The following TASOR2 variants were observed in gnomAD, a reference collection of about 807,000 sequenced individuals.
The protein encoded by TASOR2 is transcription activation suppressor family member 2.
In TASOR2, 84 loss-of-function variants were observed where a neutral mutation model predicts 199.5. That is an observed-to-expected ratio of 0.42 (90% CI 0.35 to 0.50). The LOEUF (loss-of-function observed/expected upper bound fraction) is 0.50. TASOR2 is among the 20% of genes least tolerant of loss of function. The pLI, the probability that TASOR2 is intolerant of heterozygous loss-of-function variation, is 0.02. For missense variants in TASOR2, 2,796 were observed against 2,835.9 expected (o/e 0.99, Z 0.32); for synonymous variants, 1,103 against 1,046.6 (o/e 1.05, Z -1.04).
intron 16 of TASOR2, 96 bp downstream of exon 17, chr10:5,756,834 G>T: frequency 7.5e-7 from 1 of 1,333,834 alleles, no homozygotes; most frequent in South Asian, 1.4e-5. Context: ...TAGAAGAGAA[G>T]CTAACAGACA....
intron 10 of TASOR2, 59 bp downstream of exon 11, chr10:5,727,182 G>T: frequency 2.5e-6 from 4 of 1,572,794 alleles, no homozygotes; most frequent in South Asian, 2.2e-5. Context: ...GTCCTCATCT[G>T]ACTTGACCTC....
exon 15 of TASOR2, chr10:5,747,564 A>C (rs1343883186): frequency 6.2e-7 from 1 of 1,614,080 alleles, no homozygotes; most frequent in African/African-American, 1.3e-5. Flanking sequence ...TTGAGATTGC[A>C]GAGGAAATTA....
chr10:5,749,276 C>G, exon 15 of TASOR2: 1 of 1,614,200 alleles, frequency 6.2e-7, no homozygotes, highest in Non-Finnish European at 8.5e-7. Flanking sequence ...AGTTTCAGTG[C>G]AAACTGTGGC....
At chr10:5,755,242 C>A (rs1260940664) in intron 15 of TASOR2, among the ~76,000 whole-genome samples, 1 of 152,006 alleles carries the variant, frequency 6.6e-6, no homozygotes, top group Non-Finnish European at 1.5e-5. Context: ...ATACCATATA[C>A]TTTGAATGAA....
chr10:5,749,502 A>G lies in TASOR2; in HGVS notation c.6081A>G (p.Pro2027=), dbSNP rs928513025. Residue 2027 remains proline, a synonymous_variant, in exon 15 of 21, where the codon CCA becomes CCG. Transcript: ENST00000328090. ...CTTCGACAAAAATCTCTGAGGCCCC[A>G]TTTCTGCATCCTGCACCTAGGAGCA... 7.4e-6 allele frequency: 12 copies of G among 1,613,944 alleles called. No individual in the cohort carries two copies. In the East Asian group the frequency reaches 1.3e-4, roughly 18 times the overall value.
intron 12 of TASOR2, among the ~76,000 whole-genome samples, chr10:5,736,064 A>C (rs1231569049): frequency 6.6e-6 from 1 of 152,130 alleles, no homozygotes; most frequent in African/African-American, 2.4e-5. Context: ...CAGCCCCCTC[A>C]AATAGCTGGG....
chr10:5,736,272 G>A (rs973395785), intron 12 of TASOR2, among the ~76,000 whole-genome samples: 1 of 152,046 alleles, frequency 6.6e-6, no homozygotes, highest in Non-Finnish European at 1.5e-5. Context: ...TACAAAATTA[G>A]CCAGGCGTGG....
At chr10:5,697,525 G>A (rs1182395663) in intron 1 of TASOR2, among the ~76,000 whole-genome samples, 1 of 152,130 alleles carries the variant, frequency 6.6e-6, no homozygotes, top group Non-Finnish European at 1.5e-5. Flanking sequence ...GCCTGGGTGG[G>A]GCATGGGGGA....
rs188330188 is a variant in TASOR2, at chr10:5,753,499, A to G, written c.6607-3114A>G. On this transcript the variant is annotated intron_variant, in intron 15 of 20. Coordinates refer to ENST00000328090, the Ensembl canonical transcript of TASOR2. The stretch of plus-strand genomic sequence containing the variant: ...TGCCTCTGCCTCCGGAGTAGCTGGG[A>G]CTACAGGCGCCCGCCACCATGCCCA... 4.7e-3 allele frequency among the ~76,000 whole-genome samples: 721 copies of G among 152,216 alleles called. 25 individuals carry two copies. Among genetic ancestry groups the G allele is most frequent in the Admixed American group, 0.042 (645 of 15,294 alleles).
rs1430395027 is a variant in TASOR2, at chr10:5,748,335, T to C, written c.4914T>C (p.Ala1638=). ...ATCTGCAGGTGAAGTCCTTGACAGC[T>C]GCCTCGGTTGATGGAGCTTATTCTA... The change falls in exon 15 of 21, where the codon GCT becomes GCC. Residue 1638 remains alanine, a synonymous_variant. Coordinates refer to ENST00000328090, the Ensembl canonical transcript of TASOR2. The surrounding 1 kb of genome is among the most constrained non-coding windows in gnomAD (Gnocchi z 5.1). 2 of 1,614,242 alleles carry C rather than the reference T, an allele frequency of 1.2e-6. No individual in the cohort carries two copies. The highest frequency in any genetic ancestry group is 1.7e-6 in the Non-Finnish European group (2 of 1,180,042).
In TASOR2 at chr10:5,730,709, G is replaced by A. The variant is rs556706941; in HGVS notation, c.710G>A (p.Gly237Glu). The change falls in exon 11 of 21, where the codon GGG becomes GAG. Residue 237 changes from glycine to glutamate, a missense_variant. This residue lies in a region of TASOR2 where 847 missense variants were observed against 887.4 expected (regional missense o/e 0.95). Coordinates refer to ENST00000328090, the Ensembl canonical transcript of TASOR2. The surrounding 1 kb of genome is among the most constrained non-coding windows in gnomAD (Gnocchi z 4.1). ...AGAATGAAAGACCCTACATTCTTGG[G>A]GAAACTGCCCAGTGGTTTTGACTTG... 1.2e-4 allele frequency: 188 copies of A among 1,614,124 alleles called. No individual in the cohort carries two copies. In the Middle Eastern group the frequency reaches 1.8e-3, roughly 16 times the overall value.
Position 5,699,941 on chromosome 10 carries a change from C to A in TASOR2, c.-287-12882C>A, listed in dbSNP as rs1225205576. Among the ~76,000 whole-genome samples the A allele has an allele frequency of 6.6e-6, 1 of 152,052 alleles. No individual in the cohort carries two copies. The highest frequency in any genetic ancestry group is 1.5e-5 in the Non-Finnish European group (1 of 67,962). On this transcript the variant is annotated intron_variant, in intron 1 of 20. Transcript: ENST00000328090. The surrounding 1 kb of genome is among the most constrained non-coding windows in gnomAD (Gnocchi z 4.1). ...GGGTCATCTGTTACCTTAAATATTTCTCTTTTCTTTGTGCTAGAACCACTC... is the reference window on the plus strand; with the variant it reads ...GGGTCATCTGTTACCTTAAATATTTATCTTTTCTTTGTGCTAGAACCACTC...
Position 5,742,185 on chromosome 10 carries a change from A to G in TASOR2, c.2416A>G (p.Lys806Glu). 1 of 1,614,214 alleles carries G rather than the reference A, an allele frequency of 6.2e-7. No homozygotes were observed. Among genetic ancestry groups the G allele is most frequent in the Admixed American group, 1.7e-5 (1 of 60,032 alleles). The change falls in exon 14 of 21, where the codon AAA (lysine) becomes GAA (glutamate). Residue 806 changes from lysine (K) to glutamate (E), a missense_variant. This residue lies in a region of TASOR2 where 1,941 missense variants were observed against 1,924.9 expected (regional missense o/e 1.01). Transcript: ENST00000328090. The surrounding 1 kb of genome is among the most constrained non-coding windows in gnomAD (Gnocchi z 4.2). ...AGCTCTGTTTTACAGCAATCAGAACAAAATCATACGATCTTCCCGAAAGGT... is the reference window on the plus strand; with the variant it reads ...AGCTCTGTTTTACAGCAATCAGAACGAAATCATACGATCTTCCCGAAAGGT...
At chr10:5,747,750 A>G (rs749463839) in exon 15 of TASOR2, 3 of 1,614,214 alleles carry the variant, frequency 1.9e-6, no homozygotes, top group East Asian at 4.5e-5. Context: ...AATGTGAGTC[A>G]GAAGACTTAG....
intron 1 of TASOR2, chr10:5,709,767 T>A: frequency 2.9e-6 from 3 of 1,018,922 alleles, no homozygotes; most frequent in East Asian, 3.3e-5. Context: ...AAAAAGACTT[T>A]AAAAAATTAT....
At position 5,713,821 on chromosome 10, in the gene TASOR2, G is replaced by A. The variant is rs191510272; in HGVS notation, c.-192+903G>A. The A allele has an allele frequency of 1.8e-3, 313 of 175,214 alleles. 2 individuals are homozygous for A. The highest frequency in any genetic ancestry group is 6.9e-3 in the African/African-American group (295 of 42,522). The allele number at this position is 175,214 out of a possible 1,614,324, so 10.9% of individuals were successfully genotyped here. On this transcript the variant is annotated intron_variant, in intron 2 of 20. Transcript: ENST00000328090. ...TGGTAAAATTCTATGAAAAGTTTGG[G>A]CCATTAATCAAAATACAGATTGCTT...
At position 5,720,524 on chromosome 10, in the gene TASOR2, A is replaced by T. The variant is rs576592124; in HGVS notation, c.-99-20A>T. On this transcript the variant is annotated intron_variant, in intron 3 of 20. Coordinates refer to ENST00000328090, the Ensembl canonical transcript of TASOR2. The surrounding 1 kb of genome is among the most constrained non-coding windows in gnomAD (Gnocchi z 5.3). ...AGTTCCATAGTGCTACCCTGATAAT[A>T]CTTATTTTTCCTCTTTCAGTATTAC... The T allele has an allele frequency of 9.6e-6, 15 of 1,561,832 alleles. No individual in the cohort carries two copies. The Admixed American group carries it at 1.7e-4, about 18-fold the overall frequency.
chr10:5,747,096 G>A (rs371647331), exon 15 of TASOR2: 200 of 1,614,088 alleles, frequency 1.2e-4, no homozygotes, highest in Non-Finnish European at 1.6e-4. Flanking sequence ...ACTGCATTTC[G>A]TCAGGATGCC....
exon 17 of TASOR2, chr10:5,757,530 TGCTGAA>T (rs1564370964): frequency 1.2e-6 from 2 of 1,601,424 alleles, no homozygotes; most frequent in East Asian, 2.2e-5. Flanking sequence ...ATTCCTTCTT[TGCTGAA>T]GCTGAAGCAT....
Sources: allele counts gnomAD v4.1 joint callset (sites outside exome capture counted in the v4.1 genomes callset), GRCh38; gene constraint gnomAD v4.1.1; regional missense constraint gnomAD v4.1.1; non-coding constraint Gnocchi (gnomAD v3.1); transcripts MANE v1.5; gene names NCBI Gene and HGNC (gene_info 2026-07-23, HGNC 2026-07-21).